RRP15: variants seen among roughly 807,000 people sequenced by gnomAD.
RRP15 encodes the protein ribosomal RNA processing 15 homolog, also known as RRP15-like protein.
RRP15 carries 18 observed loss-of-function variants against 27.1 expected under a neutral mutation model. The observed-to-expected ratio is 0.66, with a 90% CI of 0.46 to 0.98. The LOEUF (loss-of-function observed/expected upper bound fraction) is 0.98. Ranked by LOEUF, RRP15 falls within the 50% of genes least tolerant of loss-of-function variation. The pLI, the probability that RRP15 is intolerant of heterozygous loss-of-function variation, is 0.00. For synonymous variants in RRP15, 107 were observed against 109.4 expected, an observed-to-expected ratio of 0.98 and a Z score of 0.14; for missense variants, 359 against 337.8, an observed-to-expected ratio of 1.06 and a Z score of -0.49.
At chr1:218,310,293 T>C (rs1655971760) in intron 4 of RRP15, among the ~76,000 whole-genome samples, 1 of 152,166 alleles carries the variant, frequency 6.6e-6, no homozygotes, top group African/African-American at 2.4e-5. Flanking sequence ...AATTCAATAT[T>C]CCTAATATTG....
chr1:218,286,050 C>T (rs1443080604), intron 1 of RRP15, among the ~76,000 whole-genome samples: 1 of 152,104 alleles, frequency 6.6e-6, no homozygotes, highest in Non-Finnish European at 1.5e-5. Flanking sequence ...TCCTCTTTAC[C>T]ATCATTCTTG....
At chr1:218,319,632 T>C (rs1656154939) in intron 4 of RRP15, among the ~76,000 whole-genome samples, 2 of 152,222 alleles carry the variant, frequency 1.3e-5, no homozygotes, top group African/African-American at 2.4e-5. Context: ...GGGACCAATC[T>C]ATTTATTTCT....
chr1:218,334,944 CT>C lies in RRP15; in HGVS notation c.*3857del, dbSNP rs1308942601. ...CTGGTAAATTTTTTCAGTGGGCGAG[CT>C]TTTCTGAAATTTGATTAAACATATT... On this transcript the variant is annotated 3_prime_UTR_variant, in exon 5 of 5. Coordinates refer to ENST00000366932, the MANE Select transcript of RRP15 (RefSeq NM_016052.4). 6.6e-6 allele frequency: 1 copy of C among 152,080 alleles called. No individual in the cohort carries two copies. Among genetic ancestry groups the C allele is most frequent in the East Asian group, 1.9e-4 (1 of 5,192 alleles). 9.4% of individuals were successfully genotyped at this position (152,080 alleles called of 1,614,324 possible). A position where few individuals can be genotyped will look rare whatever the true frequency, so the allele number is the denominator to read the frequency against.
At chr1:218,300,473 C>T (rs140836839) in intron 1 of RRP15, among the ~76,000 whole-genome samples, 74 of 152,104 alleles carry the variant, frequency 4.9e-4, no homozygotes, top group African/African-American at 1.6e-3. Flanking sequence ...AAAGGTATTA[C>T]GCAAAAATAA....
At chr1:218,304,258 T>A (rs979745124) in intron 2 of RRP15, among the ~76,000 whole-genome samples, 1 of 152,240 alleles carries the variant, frequency 6.6e-6, no homozygotes, top group Non-Finnish European at 1.5e-5. Flanking sequence ...CCAGCATTCA[T>A]TGATTAATGC....
At chr1:218,323,138 G>C (rs1412621915) in intron 4 of RRP15, among the ~76,000 whole-genome samples, 2 of 152,212 alleles carry the variant, frequency 1.3e-5, no homozygotes, top group Non-Finnish European at 2.9e-5. Context: ...GAGCTCCTAG[G>C]TCTGGGCTTC....
chr1:218,306,441 C>T (rs887948542), intron 3 of RRP15, among the ~76,000 whole-genome samples: 1 of 152,166 alleles, frequency 6.6e-6, no homozygotes, highest in Non-Finnish European at 1.5e-5. Context: ...CCTCATCCCT[C>T]AAGGTCACTA....
intron 1 of RRP15, among the ~76,000 whole-genome samples, chr1:218,298,031 T>C (rs1655748085): frequency 6.6e-6 from 1 of 152,174 alleles, no homozygotes; most frequent in African/African-American, 2.4e-5. Context: ...TTCATCATCT[T>C]TAACATTCCT....
intron 4 of RRP15, among the ~76,000 whole-genome samples, chr1:218,325,251 T>G (rs1179741119): frequency 1.3e-5 from 2 of 152,194 alleles, no homozygotes; most frequent in Non-Finnish European, 2.9e-5. Context: ...TGATGTGTAG[T>G]TGTTATTTTG....
At chr1:218,285,878 G>A (rs1308596934) in intron 1 of RRP15, among the ~76,000 whole-genome samples, 1 of 152,134 alleles carries the variant, frequency 6.6e-6, no homozygotes, top group East Asian at 1.9e-4. Flanking sequence ...GTAGATGTGT[G>A]CGTGTTTTAG....
In RRP15 at chr1:218,335,101, A is replaced by T. The variant is rs1054950840; in HGVS notation, c.*4010A>T. 3 of 152,208 alleles carry T rather than the reference A, an allele frequency of 2.0e-5. No individual in the cohort carries two copies. The highest frequency in any genetic ancestry group is 7.2e-5 in the African/African-American group (3 of 41,466). The allele number at this position is 152,208 out of a possible 1,614,324, so 9.4% of individuals were successfully genotyped here. On this transcript the variant is annotated 3_prime_UTR_variant, in exon 5 of 5. Transcript: ENST00000366932. ...ATAATCATAATTATATAGATGGAAGATATATTCTAACAGTTCTTAAATAAT... is the reference window on the plus strand; with the variant it reads ...ATAATCATAATTATATAGATGGAAGTTATATTCTAACAGTTCTTAAATAAT...
intron 4 of RRP15, among the ~76,000 whole-genome samples, chr1:218,309,483 G>T (rs1205229941): frequency 2.0e-5 from 3 of 151,980 alleles, no homozygotes; most frequent in Non-Finnish European, 1.5e-5. Context: ...AGGAGTTCGA[G>T]ACCAGCCTGG....
At chr1:218,292,061 C>T (rs1037354457) in intron 1 of RRP15, among the ~76,000 whole-genome samples, 1 of 152,108 alleles carries the variant, frequency 6.6e-6, no homozygotes, top group African/African-American at 2.4e-5. Flanking sequence ...TTCCCAAACT[C>T]CTGGGGTCAA....
At position 218,332,847 on chromosome 1, in the gene RRP15, A is replaced by C. The variant is rs955684170; in HGVS notation, c.*1756A>C. 2.0e-5 allele frequency: 3 copies of C among 151,480 alleles called. No individual in the cohort carries two copies. Among genetic ancestry groups the C allele is most frequent in the African/African-American group, 7.3e-5 (3 of 41,216 alleles). The allele number at this position is 151,480 out of a possible 1,614,324, so 9.4% of individuals were successfully genotyped here. A position where few individuals can be genotyped will look rare whatever the true frequency, so the allele number is the denominator to read the frequency against. On this transcript the variant is annotated 3_prime_UTR_variant, in exon 5 of 5. Coordinates refer to ENST00000366932, the MANE Select transcript of RRP15 (RefSeq NM_016052.4). Reference sequence around the variant, plus strand: ...TAATACAGATACATATTTCAATATGACTTAACAAACACACAATTTTGAAAA... The same window carrying C: ...TAATACAGATACATATTTCAATATGCCTTAACAAACACACAATTTTGAAAA...
chr1:218,300,066 G>A (rs1372599207), intron 1 of RRP15, among the ~76,000 whole-genome samples: 1 of 151,950 alleles, frequency 6.6e-6, no homozygotes, highest in African/African-American at 2.4e-5. Flanking sequence ...AGTCACAAAT[G>A]TGTTCAGATT....
At position 218,305,077 on chromosome 1, in the gene RRP15, T is replaced by A; in HGVS notation, c.455T>A (p.Val152Asp). Residue 152 changes from valine to aspartate, a missense_variant, in exon 3 of 5, where the codon GTT becomes GAT. By Grantham distance (152) the Val-to-Asp change is radical. Transcript: ENST00000366932. ...WEMMCRVKPD[V>D]VQDKETERNL... is the part of the protein sequence containing the mutation. ...ATGATGTGCAGAGTAAAGCCAGATGTTGTCCAAGACAAAGAGACAGAGAGA... is the reference window on the plus strand; with the variant it reads ...ATGATGTGCAGAGTAAAGCCAGATGATGTCCAAGACAAAGAGACAGAGAGA... 2 of 1,613,928 alleles carry A rather than the reference T, an allele frequency of 1.2e-6. No individual in the cohort carries two copies. The highest frequency in any genetic ancestry group is 1.7e-6 in the Non-Finnish European group (2 of 1,179,878).
rs1656366171 is a variant in RRP15, at chr1:218,331,362, T to C, written c.*271T>C. On this transcript the variant is annotated 3_prime_UTR_variant, in exon 5 of 5. Transcript: ENST00000366932. ...CGAGATGTGCATTTTGCCAGGATCA[T>C]ATTGGTCATGTCTATTGGTGTATTA... 2 of 261,412 alleles carry C rather than the reference T, an allele frequency of 7.7e-6. No individual in the cohort carries two copies. The highest frequency in any genetic ancestry group is 4.9e-5 in the Admixed American group (1 of 20,478). 16.2% of individuals were successfully genotyped at this position (261,412 alleles called of 1,614,324 possible).
intron 4 of RRP15, among the ~76,000 whole-genome samples, chr1:218,330,319 T>C (rs1459924041): frequency 1.3e-5 from 2 of 152,212 alleles, no homozygotes; most frequent in Non-Finnish European, 2.9e-5. Context: ...CTACCTATTA[T>C]GTTTATTGCC....
At chr1:218,315,738 G>C (rs1361758027) in intron 4 of RRP15, among the ~76,000 whole-genome samples, 3 of 151,726 alleles carry the variant, frequency 2.0e-5, no homozygotes, top group Non-Finnish European at 4.4e-5. Context: ...TTACAGGCTT[G>C]AGCCACCGTG....
Sources: gnomAD v4.1 joint callset for allele counts (sites outside exome capture counted in the v4.1 genomes callset) on GRCh38, gnomAD v4.1.1 for gene constraint, MANE v1.5 for transcripts, NCBI Gene and HGNC (gene_info 2026-07-23, HGNC 2026-07-21) for gene names.